Variants in TAF12 observed in about 807,000 individuals in gnomAD.
The protein encoded by TAF12 is transcription initiation factor TFIID subunit 12.
Under a neutral mutation model 20.8 loss-of-function variants are expected in TAF12, and 3 were observed. The ratio of observed to expected loss-of-function variants is 0.14; its 90% CI spans 0.07 to 0.37. TAF12 has a LOEUF of 0.37. Among genes scored for constraint, TAF12 ranks in the 10% least tolerant of loss-of-function variants. The pLI is 1.00. For missense variants in TAF12, 131 were observed against 197.9 expected, an observed-to-expected ratio of 0.66 and a Z score of 2.03; for synonymous variants, 69 against 70.2, an observed-to-expected ratio of 0.98 and a Z score of 0.09.
chr1:28,627,616 C>T (rs1432841581), intron 1 of TAF12, among the ~76,000 whole-genome samples: 1 of 144,370 alleles, frequency 6.9e-6, no homozygotes, highest in Non-Finnish European at 1.5e-5. Flanking sequence ...TGGCGTGAAC[C>T]CAGGAGGCGG....
At chr1:28,632,909 G>C (rs1456278609) in intron 1 of TAF12, among the ~76,000 whole-genome samples, 2 of 151,988 alleles carry the variant, frequency 1.3e-5, no homozygotes, top group Admixed American at 1.3e-4. Context: ...TGTTGCCCAA[G>C]CTGGAGTGCA....
At chr1:28,620,337 T>C (rs1286440251) in intron 2 of TAF12, among the ~76,000 whole-genome samples, 2 of 151,992 alleles carry the variant, frequency 1.3e-5, no homozygotes, top group African/African-American at 4.8e-5. Flanking sequence ...TTTCAGCATA[T>C]TGGCCAGGCT....
intron 4 of TAF12, among the ~76,000 whole-genome samples, chr1:28,611,200 T>C (rs1666849399): frequency 1.3e-5 from 2 of 150,426 alleles, no homozygotes; most frequent in African/African-American, 4.9e-5. Context: ...GATGAGACCA[T>C]ATAGAGAGAC....
chr1:28,641,667 G>A (rs1668038043), intron 1 of TAF12, among the ~76,000 whole-genome samples: 1 of 151,740 alleles, frequency 6.6e-6, no homozygotes, highest in Non-Finnish European at 1.5e-5. Context: ...GGTGGCACAC[G>A]CCCGTAGTTC....
intron 1 of TAF12, among the ~76,000 whole-genome samples, chr1:28,634,571 T>C (rs4252977): frequency 0.015 from 2,214 of 152,244 alleles, 58 homozygotes; most frequent in African/African-American, 0.051. Context: ...CCCCAGTGAT[T>C]GGTTGTTGAA....
At chr1:28,643,194 G>A (rs1239243798), upstream of TAF12, 4 of 817,936 alleles carry the variant, frequency 4.9e-6, no homozygotes, top group Non-Finnish European at 5.9e-6. Flanking sequence ...ACGTGGTGGC[G>A]ATATTGAGCT....
At chr1:28,620,527 C>T (rs1667186953) in intron 2 of TAF12, among the ~76,000 whole-genome samples, 1 of 152,088 alleles carries the variant, frequency 6.6e-6, no homozygotes, top group African/African-American at 2.4e-5. Flanking sequence ...GCTCCACCTC[C>T]TGGGTTCACG....
At chr1:28,632,376 C>T (rs930913031) in intron 1 of TAF12, among the ~76,000 whole-genome samples, 10 of 152,142 alleles carry the variant, frequency 6.6e-5, no homozygotes, top group African/African-American at 2.4e-4. Flanking sequence ...GCGGAGGTTG[C>T]AGTGAGCCAA....
At chr1:28,619,269 G>A (rs1439209723) in intron 2 of TAF12, among the ~76,000 whole-genome samples, 6 of 151,776 alleles carry the variant, frequency 4.0e-5, no homozygotes, top group African/African-American at 1.2e-4. Context: ...CGAGGTGAGC[G>A]GATCACGAGG....
intron 1 of TAF12, among the ~76,000 whole-genome samples, chr1:28,635,379 C>T (rs1203505471): frequency 7.4e-6 from 1 of 135,628 alleles, no homozygotes; most frequent in Non-Finnish European, 1.5e-5. Flanking sequence ...AATCTTGGCT[C>T]ACTGCCAGCT....
chr1:28,626,129 C>A, intron 1 of TAF12, among the ~76,000 whole-genome samples: 1 of 151,898 alleles, frequency 6.6e-6, no homozygotes, highest in East Asian at 2.0e-4. Flanking sequence ...CAGGCGCACA[C>A]CACCATGCCT....
chr1:28,605,210 A>C (rs1276925527), intron 5 of TAF12, 162 bp downstream of exon 5: 3 of 647,082 alleles, frequency 4.6e-6, no homozygotes, highest in Non-Finnish European at 8.1e-6. Flanking sequence ...GATCTCCCGG[A>C]GACCGCTGCT....
At chr1:28,615,199 GACAA>G (rs1183120207) in intron 3 of TAF12, among the ~76,000 whole-genome samples, 3 of 152,050 alleles carry the variant, frequency 2.0e-5, no homozygotes, top group Non-Finnish European at 4.4e-5. Context: ...AGCTTCTGCT[GACAA>G]ACAAAAACAA....
At position 28,622,132 on chromosome 1, in the gene TAF12, T is replaced by C. The variant is rs763062600; in HGVS notation, c.-51A>G. On this transcript the variant is annotated 5_prime_UTR_variant, in exon 2 of 6. Coordinates refer to ENST00000373824, the MANE Select transcript of TAF12 (RefSeq NM_005644.4). ...TCATAGAGCTTATCGAGATCCTGTT[T>C]CTTTTTGGAGCTGTGAGGACCAAGG... 6.4e-7 allele frequency: 1 copy of C among 1,559,546 alleles called. No homozygotes were observed. Among genetic ancestry groups the C allele is most frequent in the Non-Finnish European group, 8.6e-7 (1 of 1,158,386 alleles).
At chr1:28,640,613 G>A (rs1034353492) in intron 1 of TAF12, among the ~76,000 whole-genome samples, 5 of 152,164 alleles carry the variant, frequency 3.3e-5, no homozygotes, top group Non-Finnish European at 5.9e-5. Flanking sequence ...GTTAGTCTGA[G>A]TAGGTTTCAG....
chr1:28,647,554 G>C (rs1384241684), upstream of TAF12, among the ~76,000 whole-genome samples: 1 of 152,090 alleles, frequency 6.6e-6, no homozygotes, highest in African/African-American at 2.4e-5. Flanking sequence ...ATGACCCACA[G>C]CACCCGTCCA....
intron 1 of TAF12, among the ~76,000 whole-genome samples, chr1:28,637,468 C>A (rs961011688): frequency 6.6e-6 from 1 of 152,080 alleles, no homozygotes; most frequent in Non-Finnish European, 1.5e-5. Context: ...AGTTCAAGAC[C>A]AGCCTGACCA....
upstream of TAF12, among the ~76,000 whole-genome samples, chr1:28,644,217 C>G (rs1249016326): frequency 6.6e-6 from 1 of 152,170 alleles, no homozygotes; most frequent in Non-Finnish European, 1.5e-5. Flanking sequence ...GAGTGAGCCA[C>G]ATAGAAATTA....
At chr1:28,623,064 C>T (rs932617489) in intron 1 of TAF12, among the ~76,000 whole-genome samples, 2 of 151,586 alleles carry the variant, frequency 1.3e-5, no homozygotes, top group Non-Finnish European at 2.9e-5. Flanking sequence ...ACAAAAAACA[C>T]TTAGCTGGAC....
Sources: allele counts gnomAD v4.1 joint callset (sites outside exome capture counted in the v4.1 genomes callset), GRCh38; gene constraint gnomAD v4.1.1; transcripts MANE v1.5; gene names NCBI Gene and HGNC (gene_info 2026-07-23, HGNC 2026-07-21).